Variants in ARNT2 observed in about 807,000 individuals in gnomAD.
The protein encoded by ARNT2 is ARNT protein 2.
In ARNT2, 36 loss-of-function variants were observed where a neutral mutation model predicts 91.7. The ratio of observed to expected loss-of-function variants is 0.39; its 90% CI spans 0.30 to 0.52. ARNT2 has a LOEUF of 0.52. Ranked by LOEUF, ARNT2 falls within the 20% of genes least tolerant of loss-of-function variation. The probability of loss-of-function intolerance (pLI) is 0.72; values close to 1 mark genes in which losing one functional copy is unlikely to be tolerated. For synonymous variants in ARNT2, 365 were observed against 347.1 expected, an observed-to-expected ratio of 1.05 and a Z score of -0.57; for missense variants, 775 against 939.3, an observed-to-expected ratio of 0.83 and a Z score of 2.29.
chr15:80,486,004 T>G (rs1896966974), intron 5 of ARNT2, among the ~76,000 whole-genome samples: 1 of 152,100 alleles, frequency 6.6e-6, no homozygotes, highest in Admixed American at 6.5e-5. Context: ...AAAATCAAGG[T>G]GTCAGCAGCC....
At chr15:80,478,633 G>A (rs779946288) in intron 5 of ARNT2, among the ~76,000 whole-genome samples, 13 of 152,176 alleles carry the variant, frequency 8.5e-5, no homozygotes, top group Non-Finnish European at 1.8e-4. Flanking sequence ...AGAGAGGACA[G>A]GGTCTCTTTT....
At chr15:80,429,553 A>C (rs891519329) in intron 1 of ARNT2, among the ~76,000 whole-genome samples, 2 of 152,186 alleles carry the variant, frequency 1.3e-5, no homozygotes, top group African/African-American at 4.8e-5. Flanking sequence ...TCCTACACTC[A>C]TAACAGAAAG....
At chr15:80,553,451 A>G (rs1898120156) in intron 10 of ARNT2, among the ~76,000 whole-genome samples, 1 of 152,210 alleles carries the variant, frequency 6.6e-6, no homozygotes, top group Non-Finnish European at 1.5e-5. Context: ...ATAGCACATG[A>G]TAGCACATTG....
chr15:80,432,886 C>T (rs897231722), intron 1 of ARNT2, among the ~76,000 whole-genome samples: 1 of 152,048 alleles, frequency 6.6e-6, no homozygotes, highest in African/African-American at 2.4e-5. Flanking sequence ...GAGGAGCATC[C>T]CATTTGGTTT....
chr15:80,465,953 C>T (rs1048359300), intron 3 of ARNT2, among the ~76,000 whole-genome samples: 4 of 152,200 alleles, frequency 2.6e-5, no homozygotes, highest in Admixed American at 6.5e-5. Flanking sequence ...CCTGCTTTTC[C>T]GTGGGCTCTC....
intron 9 of ARNT2, among the ~76,000 whole-genome samples, chr15:80,551,967 T>G (rs1356266750): frequency 2.6e-5 from 4 of 152,160 alleles, no homozygotes; most frequent in Admixed American, 2.0e-4. Flanking sequence ...TGTCTTTTAT[T>G]GTGTGAAGGT....
intron 6 of ARNT2, among the ~76,000 whole-genome samples, 159 bp from the exon 7 acceptor site, chr15:80,513,752 T>A (rs1389115081): frequency 2.7e-5 from 4 of 145,842 alleles, no homozygotes; most frequent in Non-Finnish European, 6.0e-5. Context: ...ATCAAAGGCA[T>A]GCAGGTCTGC....
intron 3 of ARNT2, among the ~76,000 whole-genome samples, chr15:80,463,515 T>C (rs1738036461): frequency 1.3e-5 from 2 of 151,820 alleles, no homozygotes; most frequent in Admixed American, 1.3e-4. Context: ...CACACTGGAA[T>C]GAAAGATTTT....
intron 8 of ARNT2, among the ~76,000 whole-genome samples, chr15:80,521,011 G>A (rs1897535955): frequency 6.6e-6 from 1 of 152,116 alleles, no homozygotes; most frequent in Non-Finnish European, 1.5e-5. Flanking sequence ...ACAAAATATA[G>A]TAATTCTCAA....
chr15:80,554,766 A>G, intron 10 of ARNT2: 1 of 273,388 alleles, frequency 3.7e-6, no homozygotes, highest in Non-Finnish European at 7.0e-6. Context: ...TGTTTATTGC[A>G]GTTTGCCTCT....
chr15:80,576,762 C>T (rs1596022447), intron 14 of ARNT2, 104 bp from the exon 15 acceptor site: 2 of 1,216,836 alleles, frequency 1.6e-6, no homozygotes, highest in African/African-American at 1.5e-5. Flanking sequence ...GACTTGTGTC[C>T]TCCCGTTCCC....
intron 5 of ARNT2, among the ~76,000 whole-genome samples, chr15:80,477,178 G>A (rs77508190): frequency 0.015 from 2,255 of 152,332 alleles, 56 homozygotes; most frequent in African/African-American, 0.043. Flanking sequence ...CTGCAGAATG[G>A]TGAGCCAATT....
chr15:80,517,088 G>T (rs1015212328), intron 8 of ARNT2, among the ~76,000 whole-genome samples: 1 of 151,706 alleles, frequency 6.6e-6, no homozygotes, highest in African/African-American at 2.4e-5. Context: ...CTTCTCTGAT[G>T]CTCTTCTTCC....
chr15:80,522,820 G>GTGTATATA (rs548555538), intron 8 of ARNT2, among the ~76,000 whole-genome samples: 2,677 of 135,642 alleles, frequency 0.02, 40 homozygotes, highest in Non-Finnish European at 0.03. Context: ...GTGTGTGTGT[G>GTGTATATA]TATATATATA....
chr15:80,534,691 G>C (rs1897792412), intron 8 of ARNT2, among the ~76,000 whole-genome samples: 1 of 152,130 alleles, frequency 6.6e-6, no homozygotes, highest in African/African-American at 2.4e-5. Flanking sequence ...TATTCTGCCA[G>C]CCATTCCCCA....
chr15:80,460,270 T>C (rs951893088), intron 3 of ARNT2, among the ~76,000 whole-genome samples: 8 of 152,214 alleles, frequency 5.3e-5, no homozygotes, highest in African/African-American at 1.9e-4. Context: ...CTGCCTATCA[T>C]GAGACCTCAT....
At chr15:80,469,948 C>T (rs974424027) in intron 3 of ARNT2, among the ~76,000 whole-genome samples, 1 of 152,140 alleles carries the variant, frequency 6.6e-6, no homozygotes, top group African/African-American at 2.4e-5. Flanking sequence ...TACAAAAATA[C>T]CTCAGGCATA....
intron 5 of ARNT2, among the ~76,000 whole-genome samples, chr15:80,506,906 G>A (rs552785189): frequency 6.6e-6 from 1 of 152,308 alleles, no homozygotes; most frequent in African/African-American, 2.4e-5. Context: ...CAAGGATAAG[G>A]ACAAGGTGGA....
intron 1 of ARNT2, among the ~76,000 whole-genome samples, chr15:80,418,724 C>T (rs1353525944): frequency 6.6e-6 from 1 of 152,214 alleles, no homozygotes; most frequent in Non-Finnish European, 1.5e-5. Flanking sequence ...CTGAAACTTA[C>T]CTCTGTAGCT....
Sources: allele counts gnomAD v4.1 joint callset (sites outside exome capture counted in the v4.1 genomes callset), GRCh38; gene constraint gnomAD v4.1.1; transcripts MANE v1.5; gene names NCBI Gene and HGNC (gene_info 2026-07-23, HGNC 2026-07-21).